Variants in SLC4A10 observed in about 807,000 individuals in gnomAD.
SLC4A10 encodes the protein solute carrier family 4 member 10.
Under a neutral mutation model 137.7 loss-of-function variants are expected in SLC4A10, and 42 were observed. The observed-to-expected ratio is 0.30, with a 90% CI of 0.24 to 0.39. SLC4A10 has a LOEUF of 0.39. Ranked by LOEUF, SLC4A10 falls within the 10% of genes least tolerant of loss-of-function variation. SLC4A10 has a pLI of 1.00. For synonymous variants in SLC4A10, 474 were observed against 464.1 expected (o/e 1.02, Z -0.27); for missense variants, 925 against 1,355.0 (o/e 0.68, Z 4.98).
At chr2:161,784,214 C>G (rs1486995461) in intron 2 of SLC4A10, among the ~76,000 whole-genome samples, 1 of 151,684 alleles carries the variant, frequency 6.6e-6, no homozygotes, top group Non-Finnish European at 1.5e-5. Context: ...ATGCACCCAA[C>G]AATTAAGCAC....
intron 1 of SLC4A10, among the ~76,000 whole-genome samples, chr2:161,647,641 G>C (rs2036238949): frequency 6.6e-6 from 1 of 152,074 alleles, no homozygotes; most frequent in Non-Finnish European, 1.5e-5. Context: ...TGTGTTCTTA[G>C]AGAAAAAAGG....
At chr2:161,632,828 A>C (rs2033803218) in intron 1 of SLC4A10, among the ~76,000 whole-genome samples, 1 of 151,664 alleles carries the variant, frequency 6.6e-6, no homozygotes, top group Non-Finnish European at 1.5e-5. Context: ...ATATCAACAA[A>C]ATAGAAAAAT....
intron 4 of SLC4A10, among the ~76,000 whole-genome samples, chr2:161,851,951 GT>G (rs1303134517): frequency 6.6e-6 from 1 of 152,088 alleles, no homozygotes; most frequent in African/African-American, 2.4e-5. Context: ...GTGCAGTGGC[GT>G]TATCATGGCT....
intron 3 of SLC4A10, among the ~76,000 whole-genome samples, chr2:161,816,659 G>A (rs1364057398): frequency 8.0e-6 from 1 of 124,296 alleles, no homozygotes; most frequent in Non-Finnish European, 1.6e-5. Flanking sequence ...TCCCCAGTGT[G>A]TGATGTTCCC....
intron 1 of SLC4A10, among the ~76,000 whole-genome samples, chr2:161,691,743 T>TA (rs1441357265): frequency 6.6e-6 from 1 of 152,152 alleles, no homozygotes; most frequent in Non-Finnish European, 1.5e-5. Flanking sequence ...ATAGAGGAGA[T>TA]AATCTTGTAG....
intron 10 of SLC4A10, among the ~76,000 whole-genome samples, chr2:161,885,395 A>G (rs535846521): frequency 6.6e-6 from 1 of 152,258 alleles, no homozygotes; most frequent in East Asian, 1.9e-4. Context: ...CAAGTGCTCA[A>G]ATAAATATCC....
At position 161,793,412 on chromosome 2, in the gene SLC4A10, A is replaced by G. The variant is rs189839955; in HGVS notation, c.131-11037A>G. ...ATTTCTGCTGTCAAACTAGAATTTT[A>G]TATCCTTTGACTAGCCCCTTCCTCA... On this transcript the variant is annotated intron_variant, in intron 2 of 26. Transcript: ENST00000446997. 6.0e-3 allele frequency among the ~76,000 whole-genome samples: 909 copies of G among 152,056 alleles called. 8 individuals carry two copies. Among genetic ancestry groups the G allele is most frequent in the African/African-American group, 0.021 (858 of 41,456 alleles).
intron 3 of SLC4A10, among the ~76,000 whole-genome samples, chr2:161,835,580 A>G (rs1265448554): frequency 6.6e-6 from 1 of 152,206 alleles, no homozygotes; most frequent in East Asian, 1.9e-4. Context: ...AGTTATCCCT[A>G]CAATGGTAAT....
chr2:161,905,693 T>A lies in SLC4A10; in HGVS notation c.1803T>A (p.Thr601=), dbSNP rs765603343. Residue 601 remains threonine, a synonymous_variant, in exon 15 of 27, where the codon ACT becomes ACA. Transcript: ENST00000446997. ...TAAGAGCTAGCATTGGACTTTGGAC[T>A]GCAACTCTATGTATCATACTTGTGG... is the stretch of plus-strand genomic sequence containing the variant. ...LSLRASIGLW[T]ATLCIILVAT... 1 of 1,613,834 alleles carries A rather than the reference T, an allele frequency of 6.2e-7. No homozygotes were observed. The highest frequency in any genetic ancestry group is 1.3e-5 in the African/African-American group (1 of 74,936).
rs1700650815 is a variant in SLC4A10, at chr2:161,985,044, C to T, written c.*1892C>T. 1 of 151,432 alleles carries T rather than the reference C, an allele frequency of 6.6e-6. No homozygotes were observed. Among genetic ancestry groups the T allele is most frequent in the Admixed American group, 6.6e-5 (1 of 15,218 alleles). 9.4% of individuals were successfully genotyped at this position (151,432 alleles called of 1,614,324 possible). A position where few individuals can be genotyped will look rare whatever the true frequency, so the allele number is the denominator to read the frequency against. On this transcript the variant is annotated 3_prime_UTR_variant, in exon 27 of 27. Transcript: ENST00000446997. The stretch of plus-strand genomic sequence containing the variant: ...TTCTTGTGTGAATTTTAAAGCTATC[C>T]CTATGTTAATCCTAATATTTTGAAA...
At chr2:161,741,320 G>A (rs1054287389) in intron 1 of SLC4A10, among the ~76,000 whole-genome samples, 24 of 145,828 alleles carry the variant, frequency 1.6e-4, no homozygotes, top group Non-Finnish European at 2.1e-4. Context: ...CTGAGCTATC[G>A]AAGGCTCCGC....
At chr2:161,894,654 A>G in intron 10 of SLC4A10, 25 bp from the exon 11 acceptor site, 1 of 1,218,652 alleles carries the variant, frequency 8.2e-7, no homozygotes, top group East Asian at 3.2e-5. Context: ...TTAAGCTATA[A>G]ATAATATTTC....
intron 3 of SLC4A10, among the ~76,000 whole-genome samples, chr2:161,821,804 T>C (rs2057646543): frequency 6.6e-6 from 1 of 152,202 alleles, no homozygotes; most frequent in Admixed American, 6.5e-5. Context: ...TTTTAAGATG[T>C]TAAAAATATG....
At chr2:161,767,202 G>GTATATATATATACACATA (rs1262098820) in intron 1 of SLC4A10, among the ~76,000 whole-genome samples, 3 of 67,596 alleles carry the variant, frequency 4.4e-5, no homozygotes, top group South Asian at 4.4e-4. Flanking sequence ...GTGTGTGTGT[G>GTATATATATATACACATA]TATATATATA....
intron 3 of SLC4A10, among the ~76,000 whole-genome samples, chr2:161,833,022 G>A (rs559338699): frequency 1.3e-5 from 2 of 152,338 alleles, no homozygotes; most frequent in South Asian, 4.1e-4. Flanking sequence ...TGGGATTACA[G>A]GCGTGCGCCA....
At position 161,762,605 on chromosome 2, in the gene SLC4A10, T is replaced by C. The variant is rs567189480; in HGVS notation, c.49-8368T>C. ...TGTTAATTTTCAATTTTCTTAATTT[T>C]GTAATGTAACATAAAAGTAATAAGA... is the stretch of plus-strand genomic sequence containing the variant. On this transcript the variant is annotated intron_variant, in intron 1 of 26. Transcript: ENST00000446997. 6.6e-5 allele frequency among the ~76,000 whole-genome samples: 10 copies of C among 152,212 alleles called. No homozygotes were observed. The East Asian group carries it at 1.2e-3, about 18-fold the overall frequency.
chr2:161,696,374 A>G (rs2042504334), intron 1 of SLC4A10, among the ~76,000 whole-genome samples: 1 of 150,094 alleles, frequency 6.7e-6, no homozygotes, highest in Non-Finnish European at 1.5e-5. Context: ...TTACATATGT[A>G]TACATGTGCC....
chr2:161,705,089 G>T (rs925205014), intron 1 of SLC4A10, among the ~76,000 whole-genome samples: 2 of 151,488 alleles, frequency 1.3e-5, no homozygotes, highest in Non-Finnish European at 3.0e-5. Flanking sequence ...TATGATAAAA[G>T]TAAACTTTAA....
intron 2 of SLC4A10, among the ~76,000 whole-genome samples, chr2:161,778,095 T>G (rs1437268735): frequency 6.6e-6 from 1 of 150,608 alleles, no homozygotes; most frequent in East Asian, 1.9e-4. Context: ...TTCTGCTACT[T>G]TCTACAGTCT....
Sources: gnomAD v4.1 joint callset for allele counts (sites outside exome capture counted in the v4.1 genomes callset) on GRCh38, gnomAD v4.1.1 for gene constraint, MANE v1.5 for transcripts, NCBI Gene and HGNC (gene_info 2026-07-23, HGNC 2026-07-21) for gene names.